GRM7: variants seen among roughly 807,000 people sequenced by gnomAD.
GRM7 encodes the protein metabotropic glutamate receptor 7.
GRM7 carries 35 observed loss-of-function variants against 84.5 expected under a neutral mutation model. The ratio of observed to expected loss-of-function variants is 0.41; its 90% CI spans 0.32 to 0.55. GRM7 has a LOEUF of 0.55. Ranked by LOEUF, GRM7 falls within the 20% of genes least tolerant of loss-of-function variation. The pLI is 0.19. For synonymous variants in GRM7, 487 were observed against 455.1 expected, an observed-to-expected ratio of 1.07 and a Z score of -0.89; for missense variants, 1,003 against 1,194.6, an observed-to-expected ratio of 0.84 and a Z score of 2.36.
intron 1 of GRM7, among the ~76,000 whole-genome samples, chr3:7,088,980 G>A (rs1698562116): frequency 6.6e-6 from 1 of 152,052 alleles, no homozygotes; most frequent in South Asian, 2.1e-4. Context: ...CTCAAGCTGA[G>A]AAGAGAAAAG....
chr3:7,658,257 G>A (rs996924458), intron 8 of GRM7, among the ~76,000 whole-genome samples: 3 of 152,148 alleles, frequency 2.0e-5, no homozygotes, highest in Non-Finnish European at 4.4e-5. Context: ...TGAATTTAGA[G>A]CATACAGTAT....
At chr3:7,075,268 C>A (rs1470289497) in intron 1 of GRM7, among the ~76,000 whole-genome samples, 3 of 152,020 alleles carry the variant, frequency 2.0e-5, no homozygotes. Flanking sequence ...TGCTGAACAC[C>A]CAGGGGAGGA....
chr3:7,068,361 TC>T (rs1697742409), intron 1 of GRM7, among the ~76,000 whole-genome samples: 1 of 152,044 alleles, frequency 6.6e-6, no homozygotes, highest in African/African-American at 2.4e-5. Flanking sequence ...GGGAATCACA[TC>T]GATTTAAACA....
intron 1 of GRM7, among the ~76,000 whole-genome samples, chr3:7,099,959 A>G (rs1699052941): frequency 6.8e-6 from 1 of 147,804 alleles, no homozygotes; most frequent in Non-Finnish European, 1.5e-5. Context: ...GTATATATAC[A>G]TATATTATAC....
At chr3:7,594,436 A>T (rs944914931) in intron 8 of GRM7, among the ~76,000 whole-genome samples, 3 of 152,154 alleles carry the variant, frequency 2.0e-5, no homozygotes, top group Non-Finnish European at 4.4e-5. Flanking sequence ...TCTGCTAGGT[A>T]CTAGGGATAG....
intron 6 of GRM7, among the ~76,000 whole-genome samples, chr3:7,457,148 G>C (rs529464834): frequency 6.6e-6 from 1 of 152,226 alleles, no homozygotes; most frequent in African/African-American, 2.4e-5. Context: ...ATGTTTCACT[G>C]TTACATTAGT....
intron 1 of GRM7, among the ~76,000 whole-genome samples, chr3:6,931,322 A>G (rs901809755): frequency 5.9e-5 from 9 of 152,100 alleles, no homozygotes; most frequent in Admixed American, 2.6e-4. Context: ...CCCTTGGTAA[A>G]AGAGAAAATA....
intron 2 of GRM7, among the ~76,000 whole-genome samples, chr3:7,254,886 C>T (rs1265087610): frequency 6.6e-6 from 1 of 152,126 alleles, no homozygotes; most frequent in South Asian, 2.1e-4. Flanking sequence ...ACATTATAAC[C>T]CTTTCAACTG....
rs940839845 is a variant in GRM7, at chr3:7,492,369, A to G, written c.1515+30647A>G. Among the ~76,000 whole-genome samples, 3 of 152,096 alleles carry G rather than the reference A, an allele frequency of 2.0e-5. No individual in the cohort carries two copies. In the East Asian group the frequency reaches 5.8e-4, roughly 29 times the overall value. ...CTTTTTTTGTAGTTTTTAATTGCATATTTAATTTATTTGATAGTTATAGAA... is the reference window on the plus strand; with the variant it reads ...CTTTTTTTGTAGTTTTTAATTGCATGTTTAATTTATTTGATAGTTATAGAA... On this transcript the variant is annotated intron_variant, in intron 7 of 9. Coordinates refer to ENST00000357716, the MANE Select transcript of GRM7 (RefSeq NM_000844.4).
chr3:7,523,109 A>G (rs779481414), intron 7 of GRM7, among the ~76,000 whole-genome samples: 4 of 152,126 alleles, frequency 2.6e-5, no homozygotes, highest in Non-Finnish European at 5.9e-5. Flanking sequence ...TATTTAGTCT[A>G]TGGTATTTTA....
chr3:7,461,695 G>A lies in GRM7; in HGVS notation c.1488G>A (p.Gly496=), dbSNP rs368449370. Residue 496 remains glycine (G), a synonymous_variant, in exon 7 of 10, where the codon GGG becomes GGA. Coordinates refer to ENST00000357716, the MANE Select transcript of GRM7 (RefSeq NM_000844.4). ...GCAACCCGGGTTACCGTCTGATCGGGCAGTGGACAGACGAACTTCAGCTCA... is the reference window on the plus strand; with the variant it reads ...GCAACCCGGGTTACCGTCTGATCGGACAGTGGACAGACGAACTTCAGCTCA... The part of the protein sequence containing the change: ...NTSNPGYRLI[G]QWTDELQLNI... 6.2e-7 allele frequency: 1 copy of A among 1,613,814 alleles called. No individual in the cohort carries two copies. The highest frequency in any genetic ancestry group is 2.2e-5 in the East Asian group (1 of 44,842).
At chr3:7,046,086 A>G (rs1696798090) in intron 1 of GRM7, among the ~76,000 whole-genome samples, 1 of 152,098 alleles carries the variant, frequency 6.6e-6, no homozygotes, top group Admixed American at 6.6e-5. Context: ...GAGGTAATAT[A>G]TATTGGCTTG....
Position 7,461,659 on chromosome 3 carries a change from C to G in GRM7, c.1452C>G (p.Thr484=). 4 of 1,613,550 alleles carry G rather than the reference C, an allele frequency of 2.5e-6. No homozygotes were observed. The highest frequency in any genetic ancestry group is 3.4e-6 in the Non-Finnish European group (4 of 1,179,576). The change falls in exon 7 of 10, where the codon ACC becomes ACG. Residue 484 remains threonine, a synonymous_variant. Coordinates refer to ENST00000357716, the MANE Select transcript of GRM7 (RefSeq NM_000844.4). ...PGRYDIFQYQ[T]TNTSNPGYRL... Reference sequence around the variant, plus strand: ...GTTATGACATCTTTCAGTACCAGACCACAAACACCAGCAACCCGGGTTACC... The same window carrying G: ...GTTATGACATCTTTCAGTACCAGACGACAAACACCAGCAACCCGGGTTACC...
chr3:7,577,440 C>T (rs1018899433), intron 7 of GRM7, among the ~76,000 whole-genome samples: 16 of 152,088 alleles, frequency 1.1e-4, no homozygotes, highest in African/African-American at 2.9e-4. Context: ...TAAGTTCAAC[C>T]GCACAGAAAG....
intron 9 of GRM7, among the ~76,000 whole-genome samples, chr3:7,689,203 A>T (rs1270236584): frequency 3.3e-5 from 5 of 152,230 alleles, no homozygotes; most frequent in Non-Finnish European, 5.9e-5. Context: ...AGAATGCCAA[A>T]CACATGAATT....
intron 1 of GRM7, among the ~76,000 whole-genome samples, chr3:7,008,444 A>G (rs1695255386): frequency 6.6e-6 from 1 of 152,222 alleles, no homozygotes; most frequent in Non-Finnish European, 1.5e-5. Flanking sequence ...TACACTTACT[A>G]CACTGATTTG....
chr3:7,292,727 A>T (rs9816407), intron 2 of GRM7, among the ~76,000 whole-genome samples: 29,531 of 143,544 alleles, frequency 0.21, 6,438 homozygotes, highest in African/African-American at 0.57. Flanking sequence ...TTTTTTTTTT[A>T]AAAAAAAAAA....
chr3:6,955,096 T>G (rs1050985183), intron 1 of GRM7, among the ~76,000 whole-genome samples: 36 of 152,244 alleles, frequency 2.4e-4, no homozygotes, highest in Admixed American at 1.8e-3. Context: ...ATTTATAGTA[T>G]CTGTCACCCT....
intron 1 of GRM7, among the ~76,000 whole-genome samples, chr3:6,965,060 G>A (rs1022933853): frequency 2.0e-5 from 3 of 152,180 alleles, no homozygotes; most frequent in African/African-American, 7.2e-5. Flanking sequence ...TACCAGGGAA[G>A]CAGCAAGTAA....
Sources: gnomAD v4.1 joint callset for allele counts (sites outside exome capture counted in the v4.1 genomes callset) on GRCh38, gnomAD v4.1.1 for gene constraint, MANE v1.5 for transcripts, NCBI Gene and HGNC (gene_info 2026-07-23, HGNC 2026-07-21) for gene names.